LYPD6: variants seen among roughly 807,000 people sequenced by gnomAD.
The protein encoded by LYPD6 is ly6/PLAUR domain-containing protein 6.
Under a neutral mutation model 22.7 loss-of-function variants are expected in LYPD6, and 15 were observed. The ratio of observed to expected loss-of-function variants is 0.66; its 90% confidence interval spans 0.44 to 1.02. LYPD6 has a LOEUF of 1.02. Ranked by LOEUF, LYPD6 falls within the 50% of genes least tolerant of loss-of-function variation. The probability of loss-of-function intolerance (pLI) is 0.00; values close to 1 mark genes in which losing one functional copy is unlikely to be tolerated. For synonymous variants in LYPD6, 72 were observed against 77.5 expected (o/e 0.93, Z 0.37); for missense variants, 189 against 208.4 (o/e 0.91, Z 0.57).
chr2:149,333,905 A>G (rs577871988), intron 1 of LYPD6, among the ~76,000 whole-genome samples: 1 of 152,330 alleles, frequency 6.6e-6, no homozygotes, highest in Non-Finnish European at 1.5e-5. Flanking sequence ...GGGGACTCCA[A>G]AGAAGGACAT....
intron 1 of LYPD6, among the ~76,000 whole-genome samples, chr2:149,336,465 A>C (rs1681035708): frequency 6.6e-6 from 1 of 152,236 alleles, no homozygotes; most frequent in Admixed American, 6.5e-5. Flanking sequence ...GCTGGCTAGT[A>C]GTCTCTCAGC....
intron 1 of LYPD6, among the ~76,000 whole-genome samples, chr2:149,411,757 T>C (rs1209399851): frequency 1.6e-4 from 24 of 152,150 alleles, no homozygotes; most frequent in Admixed American, 1.6e-3. Flanking sequence ...TATAGAGAAA[T>C]ATAAAATGAA....
Position 149,473,536 on chromosome 2 carries a change from C to T in LYPD6, c.*2686C>T, listed in dbSNP as rs1234628975. On this transcript the variant is annotated 3_prime_UTR_variant, in exon 5 of 5. Coordinates refer to ENST00000334166, the MANE Select transcript of LYPD6 (RefSeq NM_194317.5). ...TGCCACATATTTATTTTTAGACTCT[C>T]CACAGCATTCATGTCAATATGGGAT... 6.6e-6 allele frequency: 1 copy of T among 152,418 alleles called. No homozygotes were observed. The highest frequency in any genetic ancestry group is 2.4e-5 in the African/African-American group (1 of 41,450). 9.4% of individuals were successfully genotyped at this position (152,418 alleles called of 1,614,324 possible).
chr2:149,414,939 C>A (rs1165111118), intron 1 of LYPD6, among the ~76,000 whole-genome samples: 1 of 152,138 alleles, frequency 6.6e-6, no homozygotes, highest in Admixed American at 6.5e-5. Flanking sequence ...ACGTTTTGTT[C>A]ATTTTGAACC....
intron 1 of LYPD6, among the ~76,000 whole-genome samples, chr2:149,334,265 C>G (rs1352119960): frequency 6.6e-6 from 1 of 152,024 alleles, no homozygotes; most frequent in Non-Finnish European, 1.5e-5. Flanking sequence ...AAAAAAAATC[C>G]TTGCAATGGA....
At chr2:149,349,338 A>T (rs1681318092) in intron 1 of LYPD6, among the ~76,000 whole-genome samples, 1 of 152,208 alleles carries the variant, frequency 6.6e-6, no homozygotes, top group African/African-American at 2.4e-5. Context: ...CTGTAGGTAC[A>T]GAGAGAAGTA....
chr2:149,470,211 A>G (rs1486860522), intron 4 of LYPD6, among the ~76,000 whole-genome samples: 1 of 152,190 alleles, frequency 6.6e-6, no homozygotes, highest in Non-Finnish European at 1.5e-5. Flanking sequence ...GAGAATGGAG[A>G]CACTTATGCA....
intron 1 of LYPD6, among the ~76,000 whole-genome samples, chr2:149,380,959 G>A (rs1303312645): frequency 6.6e-6 from 1 of 152,180 alleles, no homozygotes; most frequent in African/African-American, 2.4e-5. Context: ...CTGAAGAAGA[G>A]GATATGAAGA....
At chr2:149,475,875 T>A (rs1323460908), downstream of LYPD6, among the ~76,000 whole-genome samples, 2 of 152,204 alleles carry the variant, frequency 1.3e-5, no homozygotes, top group Non-Finnish European at 2.9e-5. Flanking sequence ...ACTGGTAGTT[T>A]ATACTACAAG....
At chr2:149,386,207 C>G (rs1682181222) in intron 1 of LYPD6, among the ~76,000 whole-genome samples, 1 of 152,120 alleles carries the variant, frequency 6.6e-6, no homozygotes. Context: ...TTTAGAAAAG[C>G]AATGGCAGGG....
chr2:149,357,555 G>T (rs1488984287), intron 1 of LYPD6, among the ~76,000 whole-genome samples: 1 of 152,094 alleles, frequency 6.6e-6, no homozygotes, highest in Non-Finnish European at 1.5e-5. Flanking sequence ...CAGCACAGAT[G>T]AAATAAAAAT....
chr2:149,336,979 G>A (rs1681047502), intron 1 of LYPD6, among the ~76,000 whole-genome samples: 1 of 151,296 alleles, frequency 6.6e-6, no homozygotes, highest in African/African-American at 2.4e-5. Context: ...AGGAAAAAAT[G>A]TGGTTGATGT....
intron 1 of LYPD6, among the ~76,000 whole-genome samples, chr2:149,366,611 G>C (rs999435147): frequency 6.6e-6 from 1 of 152,098 alleles, no homozygotes; most frequent in Non-Finnish European, 1.5e-5. Context: ...GGTGGAGGTT[G>C]GCCCAGAGGA....
intron 1 of LYPD6, among the ~76,000 whole-genome samples, chr2:149,429,864 G>A (rs1290983965): frequency 6.6e-6 from 1 of 152,162 alleles, no homozygotes; most frequent in Non-Finnish European, 1.5e-5. Flanking sequence ...CTTCCTTATA[G>A]CATGGCAGTC....
intron 1 of LYPD6, among the ~76,000 whole-genome samples, chr2:149,429,298 C>T (rs1683262040): frequency 6.6e-6 from 1 of 152,134 alleles, no homozygotes; most frequent in African/African-American, 2.4e-5. Flanking sequence ...GCCTTTGGAA[C>T]TGCTGGTGGC....
At chr2:149,436,527 G>A (rs1683433957) in intron 1 of LYPD6, among the ~76,000 whole-genome samples, 3 of 152,030 alleles carry the variant, frequency 2.0e-5, no homozygotes, top group Admixed American at 2.0e-4. Context: ...CAGAATAAAG[G>A]ACACAGTAGA....
rs570632958 is a variant in LYPD6 at position 149,410,972 on chromosome 2, C to T, written c.-71-26666C>T. Among the ~76,000 whole-genome samples the T allele has an allele frequency of 2.7e-4, 41 of 152,302 alleles. 1 individual carries two copies. The South Asian group carries it at 8.3e-3, about 31-fold the overall frequency. On this transcript the variant is annotated intron_variant, in intron 1 of 4. Coordinates refer to ENST00000334166, the MANE Select transcript of LYPD6 (RefSeq NM_194317.5). ...TACATTTCATTGTTTTACTGAAATG[C>T]TTATGTGAAGAGTATCTCCAGATCT...
At chr2:149,455,266 T>G (rs1186589270) in intron 3 of LYPD6, among the ~76,000 whole-genome samples, 3 of 150,982 alleles carry the variant, frequency 2.0e-5, no homozygotes, top group African/African-American at 7.3e-5. Context: ...AGTTTTTTTT[T>G]TTTTTTTTTT....
In LYPD6 at chr2:149,415,728, A is replaced by G. The variant is rs531448176; in HGVS notation, c.-71-21910A>G. On this transcript the variant is annotated intron_variant, in intron 1 of 4. Coordinates refer to ENST00000334166, the MANE Select transcript of LYPD6 (RefSeq NM_194317.5). The stretch of plus-strand genomic sequence containing the variant: ...GTCCCCCAGGCTGGGGTGCAGTGGC[A>G]TGATCACGGCTCACTGCAGCGTCAA... Among the ~76,000 whole-genome samples the G allele has an allele frequency of 2.7e-3, 407 of 152,228 alleles. 4 individuals carry two copies. Among genetic ancestry groups the G allele is most frequent in the African/African-American group, 8.9e-3 (369 of 41,550 alleles).
Sources: gnomAD v4.1 joint callset for allele counts (sites outside exome capture counted in the v4.1 genomes callset) on GRCh38, gnomAD v4.1.1 for gene constraint, MANE v1.5 for transcripts, NCBI Gene and HGNC (gene_info 2026-07-23, HGNC 2026-07-21) for gene names.